Variants in RGS7 observed in about 807,000 individuals in gnomAD.
RGS7 encodes the protein regulator of G protein signaling 7.
A neutral mutation model predicts 81.1 loss-of-function variants in RGS7; 27 were observed. The ratio of observed to expected loss-of-function variants is 0.33; its 90% CI spans 0.25 to 0.46. The LOEUF is 0.46. RGS7 is among the 20% of genes least tolerant of loss of function. The pLI is 1.00. For synonymous variants in RGS7, 208 were observed against 207.7 expected, an observed-to-expected ratio of 1.00 and a Z score of -0.01; for missense variants, 396 against 607.4, an observed-to-expected ratio of 0.65 and a Z score of 3.66.
chr1:241,240,604 A>G (rs1369782213), intron 2 of RGS7, among the ~76,000 whole-genome samples: 1 of 152,180 alleles, frequency 6.6e-6, no homozygotes, highest in South Asian at 2.1e-4. Flanking sequence ...GCATGTGTAC[A>G]TGTTGGTGTT....
chr1:241,187,886 A>G (rs1032959093), intron 2 of RGS7, among the ~76,000 whole-genome samples: 2 of 152,184 alleles, frequency 1.3e-5, no homozygotes, highest in Non-Finnish European at 2.9e-5. Context: ...GCTAACAAAG[A>G]TCTACTTCAC....
At chr1:241,155,869 G>A (rs1307455522) in intron 2 of RGS7, among the ~76,000 whole-genome samples, 1 of 152,136 alleles carries the variant, frequency 6.6e-6, no homozygotes, top group Non-Finnish European at 1.5e-5. Flanking sequence ...CATAGGCTGA[G>A]AATCAGAAAT....
intron 6 of RGS7, among the ~76,000 whole-genome samples, chr1:240,888,806 C>A (rs1415563390): frequency 1.3e-5 from 2 of 151,942 alleles, no homozygotes; most frequent in Non-Finnish European, 2.9e-5. Context: ...GGCATTAGAC[C>A]GGAATCGACT....
chr1:241,173,258 G>C (rs1194850659), intron 2 of RGS7, among the ~76,000 whole-genome samples: 1 of 152,070 alleles, frequency 6.6e-6, no homozygotes, highest in Non-Finnish European at 1.5e-5. Flanking sequence ...TTCTTCCAGT[G>C]AATCTTCATA....
chr1:241,324,341 AC>A (rs2081373184), intron 2 of RGS7, among the ~76,000 whole-genome samples: 1 of 144,274 alleles, frequency 6.9e-6, no homozygotes, highest in African/African-American at 2.8e-5. Context: ...AGCAAAAAAA[AC>A]AAAAAAAAAA....
intron 2 of RGS7, among the ~76,000 whole-genome samples, chr1:241,214,968 T>C (rs2147947544): frequency 6.6e-6 from 1 of 152,352 alleles, no homozygotes; most frequent in East Asian, 1.9e-4. Context: ...TATGTGCTTA[T>C]CATAGTTAAT....
chr1:240,946,017 A>C (rs1297112794), intron 4 of RGS7, among the ~76,000 whole-genome samples: 1 of 152,180 alleles, frequency 6.6e-6, no homozygotes, highest in East Asian at 1.9e-4. Flanking sequence ...GATATGGGTA[A>C]ATTTGTTAAA....
chr1:241,178,355 C>A (rs1178189415), intron 2 of RGS7, among the ~76,000 whole-genome samples: 1 of 151,994 alleles, frequency 6.6e-6, no homozygotes, highest in Non-Finnish European at 1.5e-5. Context: ...CAGTTGAGAT[C>A]GCTGAGGGTT....
chr1:241,288,897 G>A (rs943583740), intron 2 of RGS7, among the ~76,000 whole-genome samples: 2 of 152,104 alleles, frequency 1.3e-5, no homozygotes, highest in Admixed American at 1.3e-4. Flanking sequence ...CAGGAACTAA[G>A]CCTTCCTGGA....
At chr1:241,190,359 A>C (rs1034472323) in intron 2 of RGS7, among the ~76,000 whole-genome samples, 2 of 152,026 alleles carry the variant, frequency 1.3e-5, no homozygotes, top group Non-Finnish European at 2.9e-5. Context: ...ATTTATAAAA[A>C]TTTTGCTCAT....
intron 2 of RGS7, among the ~76,000 whole-genome samples, chr1:241,210,699 G>A (rs1399124930): frequency 6.6e-6 from 1 of 152,134 alleles, no homozygotes; most frequent in Non-Finnish European, 1.5e-5. Context: ...GATTAGATGT[G>A]GAAAAGAATA....
intron 2 of RGS7, among the ~76,000 whole-genome samples, chr1:241,351,044 A>G (rs77953362): frequency 0.015 from 2,228 of 152,288 alleles, 74 homozygotes; most frequent in African/African-American, 0.051. Context: ...AATCAGCGTA[A>G]GTACTCTTCC....
Position 240,920,307 on chromosome 1 carries a change from G to A in RGS7, c.385+10410C>T, listed in dbSNP as rs1383657088. The stretch of plus-strand genomic sequence containing the variant: ...TGGGAATGACAACTTTGGTCGTGGA[G>A]GAAACTTCAGTGGTCATGGTGGCTT... On this transcript the variant is annotated intron_variant, in intron 6 of 18. Coordinates refer to ENST00000440928, the MANE Select transcript of RGS7 (RefSeq NM_001364886.1). 10 of 1,424,824 alleles carry A rather than the reference G, an allele frequency of 7.0e-6. No homozygotes were observed. The African/African-American group carries it at 1.3e-4, about 18-fold the overall frequency. The allele number at this position is 1,424,824 out of a possible 1,614,324, so 88.3% of individuals were successfully genotyped here. A position where few individuals can be genotyped will look rare whatever the true frequency, so the allele number is the denominator to read the frequency against.
Position 240,775,992 on chromosome 1 carries a change from G to A in RGS7, c.*228C>T, listed in dbSNP as rs925207114. 2.4e-5 allele frequency: 16 copies of A among 655,096 alleles called. No individual in the cohort carries two copies. The Middle Eastern group carries it at 7.6e-4, about 31-fold the overall frequency. The allele number at this position is 655,096 out of a possible 1,614,324, so 40.6% of individuals were successfully genotyped here. On this transcript the variant is annotated 3_prime_UTR_variant, in exon 19 of 19. Coordinates refer to ENST00000440928, the MANE Select transcript of RGS7 (RefSeq NM_001364886.1). Reference sequence around the variant, plus strand: ...AAGCAGACAACAGTTTGGAATGGAGGCATTGAGACGGAAGAGTCCATTGGA... The same window carrying A: ...AAGCAGACAACAGTTTGGAATGGAGACATTGAGACGGAAGAGTCCATTGGA...
chr1:241,118,345 C>A (rs12077663), intron 2 of RGS7, among the ~76,000 whole-genome samples: 6,820 of 152,264 alleles, frequency 0.045, 505 homozygotes, highest in African/African-American at 0.16. Flanking sequence ...TAATGCCAAA[C>A]CTCTTGCCTT....
At chr1:241,033,071 G>A (rs2060157946) in intron 3 of RGS7, among the ~76,000 whole-genome samples, 1 of 152,172 alleles carries the variant, frequency 6.6e-6, no homozygotes, top group African/African-American at 2.4e-5. Context: ...AAAAAGAAAA[G>A]GGGGCTGGGT....
chr1:240,873,102 A>G (rs1345887300), intron 6 of RGS7, among the ~76,000 whole-genome samples: 1 of 151,980 alleles, frequency 6.6e-6, no homozygotes, highest in Non-Finnish European at 1.5e-5. Context: ...ACAAAAACAA[A>G]CAAACAAAAA....
At chr1:240,995,733 G>A (rs1197834723) in intron 3 of RGS7, among the ~76,000 whole-genome samples, 2 of 141,596 alleles carry the variant, frequency 1.4e-5, no homozygotes, top group South Asian at 2.2e-4. Flanking sequence ...TCTTGTTACA[G>A]AACTGTCAAT....
intron 3 of RGS7, among the ~76,000 whole-genome samples, chr1:241,066,296 A>C (rs1251886142): frequency 1.3e-5 from 2 of 152,208 alleles, no homozygotes; most frequent in African/African-American, 4.8e-5. Context: ...TAGACCTCTG[A>C]AGCATCTACC....
Sources: gnomAD v4.1 joint callset for allele counts (sites outside exome capture counted in the v4.1 genomes callset) on GRCh38, gnomAD v4.1.1 for gene constraint, MANE v1.5 for transcripts, NCBI Gene and HGNC (gene_info 2026-07-23, HGNC 2026-07-21) for gene names.